The following SP100 variants were observed in gnomAD, a reference collection of about 807,000 sequenced individuals.
SP100 encodes the protein nuclear autoantigen Sp-100.
Under a neutral mutation model 130.0 loss-of-function variants are expected in SP100, and 84 were observed. The ratio of observed to expected loss-of-function variants is 0.65; its 90% CI spans 0.54 to 0.77. SP100 has a LOEUF of 0.77. Among genes scored for constraint, SP100 ranks in the 30% least tolerant of loss-of-function variants. The probability of loss-of-function intolerance (pLI) is 0.00; values close to 1 mark genes in which losing one functional copy is unlikely to be tolerated. For synonymous variants in SP100, 331 were observed against 351.7 expected (o/e 0.94, Z 0.66); for missense variants, 978 against 1,052.2 (o/e 0.93, Z 0.97).
intron 2 of SP100, among the ~76,000 whole-genome samples, chr2:230,424,734 C>T (rs1020663574): frequency 2.0e-5 from 3 of 150,666 alleles, no homozygotes; most frequent in African/African-American, 7.3e-5. Flanking sequence ...GTGGGCAATT[C>T]CCAGTTGGGG....
At chr2:230,523,427 G>A (rs1219821742) in intron 24 of SP100, among the ~76,000 whole-genome samples, 2 of 152,226 alleles carry the variant, frequency 1.3e-5, no homozygotes, top group Non-Finnish European at 2.9e-5. Flanking sequence ...AGCACTTTGG[G>A]AGGCCAAGGC....
At chr2:230,507,202 T>G (rs895377296) in intron 22 of SP100, 5 of 152,196 alleles carry the variant, frequency 3.3e-5, no homozygotes, top group African/African-American at 1.2e-4. Context: ...ACTATGCCAA[T>G]GAGATATCCA....
intron 8 of SP100, among the ~76,000 whole-genome samples, chr2:230,451,810 T>C (rs200237876): frequency 6.9e-4 from 30 of 43,358 alleles, no homozygotes; most frequent in East Asian, 6.8e-3. Flanking sequence ...TTGAGTTAAT[T>C]TTTTAATATG....
chr2:230,537,279 C>G (rs1041880456), intron 24 of SP100, among the ~76,000 whole-genome samples: 6 of 152,170 alleles, frequency 3.9e-5, no homozygotes, highest in Non-Finnish European at 7.3e-5. Flanking sequence ...TGCCATGCAG[C>G]TGGACTGGTA....
intron 11 of SP100, among the ~76,000 whole-genome samples, chr2:230,465,381 A>G (rs2064889647): frequency 6.6e-6 from 1 of 152,240 alleles, no homozygotes; most frequent in African/African-American, 2.4e-5. Flanking sequence ...CCTGGGTGAC[A>G]GAGTGAGACC....
intron 27 of SP100, 102 bp from the exon 28 acceptor site, chr2:230,541,790 T>G: frequency 7.7e-7 from 1 of 1,303,660 alleles, no homozygotes; most frequent in Non-Finnish European, 1.1e-6. Flanking sequence ...GGGGTTAGGA[T>G]TTTGACCTAT....
chr2:230,481,666 G>A (rs779604050), intron 17 of SP100, among the ~76,000 whole-genome samples: 10 of 152,014 alleles, frequency 6.6e-5, no homozygotes, highest in Non-Finnish European at 8.8e-5. Flanking sequence ...GTTTTCAGTC[G>A]AACCTAGAAA....
rs1210363824 is a variant in SP100, at chr2:230,504,086, T to TA, written c.1766-99dup. The TA allele has an allele frequency of 4.2e-5, 27 of 641,168 alleles. 1 individual carries two copies. Among genetic ancestry groups the TA allele is most frequent in the South Asian group, 3.6e-4 (17 of 47,294 alleles). 39.7% of individuals were successfully genotyped at this position (641,168 alleles called of 1,614,324 possible). On this transcript the variant is annotated intron_variant, in intron 20 of 28. Coordinates refer to ENST00000340126, the MANE Select transcript of SP100 (RefSeq NM_001080391.2). ...TGATTCATGGGGGAAATACCTCCAATACATTTTGAATTATAAAAGAAAGCT... is the reference window on the plus strand; with the variant it reads ...TGATTCATGGGGGAAATACCTCCAATAACATTTTGAATTATAAAAGAAAGCT...
intron 24 of SP100, among the ~76,000 whole-genome samples, chr2:230,522,844 T>C (rs1455331891): frequency 6.6e-6 from 1 of 151,956 alleles, no homozygotes; most frequent in African/African-American, 2.4e-5. Context: ...AGGCAGAGTC[T>C]CGCTCTGTTG....
At chr2:230,488,948 T>C (rs2066259542) in intron 17 of SP100, among the ~76,000 whole-genome samples, 3 of 152,228 alleles carry the variant, frequency 2.0e-5, no homozygotes, top group African/African-American at 4.8e-5. Context: ...AATTCTTGCA[T>C]CAATGTTCAT....
At position 230,514,971 on chromosome 2, in the gene SP100, G is replaced by T. The variant is rs1391522657; in HGVS notation, c.2094+3805G>T. ...AGAGATAGTGCTGGCGCAAGTGAGAGCTGGACAGGCCCTGGGCGACTCTGT... is the reference window on the plus strand; with the variant it reads ...AGAGATAGTGCTGGCGCAAGTGAGATCTGGACAGGCCCTGGGCGACTCTGT... On this transcript the variant is annotated intron_variant, in intron 24 of 28. Transcript: ENST00000340126. The T allele has an allele frequency of 4.0e-6, 6 of 1,504,504 alleles. No homozygotes were observed. The Admixed American group carries it at 1.3e-4, about 34-fold the overall frequency. The allele number at this position is 1,504,504 out of a possible 1,614,324, so 93.2% of individuals were successfully genotyped here.
intron 4 of SP100, among the ~76,000 whole-genome samples, chr2:230,446,570 C>T (rs564377619): frequency 4.3e-4 from 65 of 152,346 alleles, no homozygotes; most frequent in African/African-American, 1.4e-3. Context: ...GGTAACACAG[C>T]TCACAATGTT....
intron 2 of SP100, among the ~76,000 whole-genome samples, chr2:230,425,798 T>C (rs990636812): frequency 4.9e-5 from 7 of 142,666 alleles, no homozygotes; most frequent in African/African-American, 1.8e-4. Flanking sequence ...TTCCTTGCTC[T>C]TAATTTTTTT....
At chr2:230,521,132 A>G (rs1392963514) in intron 24 of SP100, among the ~76,000 whole-genome samples, 2 of 152,342 alleles carry the variant, frequency 1.3e-5, no homozygotes, top group East Asian at 3.8e-4. Context: ...AGTGGCCTGT[A>G]GGTTTTCACC....
At chr2:230,445,795 G>A (rs2063685686) in intron 4 of SP100, among the ~76,000 whole-genome samples, 1 of 152,116 alleles carries the variant, frequency 6.6e-6, no homozygotes. Context: ...TGGACTGCAG[G>A]GATCCCCCTT....
At chr2:230,481,054 G>C (rs1454240503) in intron 17 of SP100, among the ~76,000 whole-genome samples, 1 of 151,788 alleles carries the variant, frequency 6.6e-6, no homozygotes, top group Non-Finnish European at 1.5e-5. Flanking sequence ...GGTGGTGGTG[G>C]TGGTGTTGGT....
Position 230,417,529 on chromosome 2 carries a change from A to C in SP100, c.33-62A>C, listed in dbSNP as rs577450696. The C allele has an allele frequency of 1.3e-5, 20 of 1,563,226 alleles. No individual in the cohort carries two copies. The South Asian group carries it at 2.4e-4, about 19-fold the overall frequency. Reference sequence around the variant, plus strand: ...ATTTATCTTGTCTCTAAACCTTAAAAATGTAATTATTGAGGCAAAGGGTCC... The same window carrying C: ...ATTTATCTTGTCTCTAAACCTTAAACATGTAATTATTGAGGCAAAGGGTCC... On this transcript the variant is annotated intron_variant, in intron 1 of 28. Coordinates refer to ENST00000340126, the MANE Select transcript of SP100 (RefSeq NM_001080391.2).
At chr2:230,485,163 G>T (rs1478444924) in intron 17 of SP100, among the ~76,000 whole-genome samples, 1 of 150,742 alleles carries the variant, frequency 6.6e-6, no homozygotes, top group Non-Finnish European at 1.5e-5. Context: ...ATGTTGCCTA[G>T]GCTGGTCTTG....
At chr2:230,539,145 A>G (rs1284796516) in intron 24 of SP100, 122 bp from the exon 25 acceptor site, 1 of 630,144 alleles carries the variant, frequency 1.6e-6, no homozygotes, top group African/African-American at 1.8e-5. Flanking sequence ...ATCTCCACTC[A>G]GCAATCTTTA....
Sources: allele counts gnomAD v4.1 joint callset (sites outside exome capture counted in the v4.1 genomes callset), GRCh38; gene constraint gnomAD v4.1.1; transcripts MANE v1.5; gene names NCBI Gene and HGNC (gene_info 2026-07-23, HGNC 2026-07-21).